The following TMEM39B variants were observed in gnomAD, a reference collection of about 807,000 sequenced individuals.
The protein encoded by TMEM39B is transmembrane protein 39B.
TMEM39B carries 23 observed loss-of-function variants against 52.2 expected under a neutral mutation model. The observed-to-expected ratio is 0.44, with a 90% CI of 0.32 to 0.62. The LOEUF (loss-of-function observed/expected upper bound fraction) is 0.62. TMEM39B is among the 20% of genes least tolerant of loss of function. The pLI is 0.06. For synonymous variants in TMEM39B, 285 were observed against 264.0 expected (o/e 1.08, Z -0.77); for missense variants, 547 against 642.0 (o/e 0.85, Z 1.60).
intron 5 of TMEM39B, among the ~76,000 whole-genome samples, chr1:32,091,037 G>A (rs1344083938): frequency 5.3e-5 from 8 of 151,938 alleles, no homozygotes; most frequent in Admixed American, 3.3e-4. Flanking sequence ...ATCTTCCCAC[G>A]TCGGCATCCC....
intron 1 of TMEM39B, chr1:32,073,377 C>CA: frequency 2.3e-6 from 1 of 444,408 alleles, no homozygotes; most frequent in Non-Finnish European, 3.6e-6. Context: ...AGATTCTGGG[C>CA]AGGGGGCGCT....
At chr1:32,100,587 G>A (rs751200341) in intron 8 of TMEM39B, 25 bp downstream of exon 8, 1 of 1,614,114 alleles carries the variant, frequency 6.2e-7, no homozygotes, top group South Asian at 1.1e-5. Flanking sequence ...CGGGGAAGGA[G>A]GGTTGGGGCC....
intron 5 of TMEM39B, among the ~76,000 whole-genome samples, chr1:32,078,426 T>TGAGCA (rs1639955493): frequency 6.6e-6 from 1 of 151,850 alleles, no homozygotes; most frequent in African/African-American, 2.4e-5. Context: ...GAGGCTGCAG[T>TGAGCA]GAGCCGAAAT....
At chr1:32,095,408 A>G (rs759903266) in intron 7 of TMEM39B, among the ~76,000 whole-genome samples, 1 of 152,088 alleles carries the variant, frequency 6.6e-6, no homozygotes, top group African/African-American at 2.4e-5. Context: ...CCCAGCGGAG[A>G]TAGAGGATTT....
chr1:32,072,045 T>A (rs934693318), upstream of TMEM39B: 1 of 152,208 alleles, frequency 6.6e-6, no homozygotes, highest in African/African-American at 2.4e-5. Context: ...CCATCTAACA[T>A]ACTACAGAAT....
intron 6 of TMEM39B, among the ~76,000 whole-genome samples, chr1:32,093,994 AT>A (rs896589095): frequency 7.5e-6 from 1 of 133,076 alleles, no homozygotes; most frequent in African/African-American, 2.9e-5. Flanking sequence ...AATTTTTTGT[AT>A]TTTTAGTAGA....
At chr1:32,097,629 G>A (rs1362312746) in intron 7 of TMEM39B, among the ~76,000 whole-genome samples, 4 of 151,266 alleles carry the variant, frequency 2.6e-5, no homozygotes, top group African/African-American at 9.7e-5. Flanking sequence ...TGTTGCACCC[G>A]GCCCCAACTT....
Position 32,072,951 on chromosome 1 carries a change from T to G in TMEM39B, c.-97T>G. 2 of 1,470,852 alleles carry G rather than the reference T, an allele frequency of 1.4e-6. No homozygotes were observed. The highest frequency in any genetic ancestry group is 2.8e-5 in the East Asian group (1 of 36,302). The allele number at this position is 1,470,852 out of a possible 1,614,324, so 91.1% of individuals were successfully genotyped here. On this transcript the variant is annotated 5_prime_UTR_variant, in exon 1 of 9. Transcript: ENST00000336294. ...GGAGCGCGCGGCTGATACCCGGGAC[T>G]GGGCTGCGGCGGTTAGTCCTCTCCC...
At chr1:32,096,235 C>T (rs1441916396) in intron 7 of TMEM39B, among the ~76,000 whole-genome samples, 4 of 152,076 alleles carry the variant, frequency 2.6e-5, no homozygotes, top group African/African-American at 9.7e-5. Context: ...TCCTTTAGCA[C>T]TTTGCTTCCT....
At chr1:32,083,902 T>A (rs1640224284) in intron 5 of TMEM39B, among the ~76,000 whole-genome samples, 1 of 152,104 alleles carries the variant, frequency 6.6e-6, no homozygotes, top group Admixed American at 6.6e-5. Flanking sequence ...CAGGCTACCA[T>A]GCCCAGCTAA....
At position 32,102,550 on chromosome 1, in the gene TMEM39B, G is replaced by C. The variant is rs1641057513; in HGVS notation, c.1356G>C (p.Leu452=). The stretch of plus-strand genomic sequence containing the variant: ...AAAAGTGGCACCAGACCATCTCGCT[G>C]GCCCTCATCCTCTTCAGCAACTACT... ...SSEKWHQTIS[L]ALILFSNYYA... The change falls in exon 9 of 9, where the codon CTG becomes CTC. Residue 452 remains leucine, a synonymous_variant. Transcript: ENST00000336294. 1.9e-6 allele frequency: 3 copies of C among 1,614,138 alleles called. No homozygotes were observed. The highest frequency in any genetic ancestry group is 2.5e-6 in the Non-Finnish European group (3 of 1,180,026).
chr1:32,097,197 G>T (rs970039331), intron 7 of TMEM39B, among the ~76,000 whole-genome samples: 14 of 151,906 alleles, frequency 9.2e-5, no homozygotes, highest in African/African-American at 3.4e-4. Flanking sequence ...AACATTTCCA[G>T]CCCTTCAGAA....
Position 32,075,093 on chromosome 1 carries a change from G to A in TMEM39B, c.131+16G>A, listed in dbSNP as rs759536282. 6.5e-5 allele frequency: 101 copies of A among 1,545,060 alleles called. No individual in the cohort carries two copies. In the South Asian group the frequency reaches 1.2e-3, roughly 18 times the overall value. ...CCCGCACCAGGTAAACCACCTCTCT[G>A]TCTCACCCCTCACTGTGGCCTCACA... On this transcript the variant is annotated intron_variant, in intron 2 of 8. Coordinates refer to ENST00000336294, the MANE Select transcript of TMEM39B (RefSeq NM_018056.4).
At chr1:32,094,430 G>A (rs965904188) in intron 6 of TMEM39B, among the ~76,000 whole-genome samples, 1 of 152,102 alleles carries the variant, frequency 6.6e-6, no homozygotes, top group African/African-American at 2.4e-5. Context: ...GGGCCTAGTA[G>A]TTGCTCTATC....
chr1:32,099,642 G>A (rs1258323893), intron 7 of TMEM39B, among the ~76,000 whole-genome samples: 2 of 152,096 alleles, frequency 1.3e-5, no homozygotes, highest in Admixed American at 6.6e-5. Flanking sequence ...CTGGAGGAAC[G>A]AGAAACAGCA....
chr1:32,100,351 A>C (rs1640971675), intron 7 of TMEM39B, 91 bp from the exon 8 acceptor site: 5 of 1,390,306 alleles, frequency 3.6e-6, no homozygotes, highest in Non-Finnish European at 4.8e-6. Context: ...AAATGGGAGT[A>C]GAGCCCTGGT....
intron 2 of TMEM39B, 138 bp downstream of exon 2, chr1:32,075,215 C>A: frequency 8.1e-7 from 1 of 1,238,478 alleles, no homozygotes; most frequent in Non-Finnish European, 1.1e-6. Flanking sequence ...CAGAAAAGAT[C>A]CAGAGGGAGC....
chr1:32,091,863 C>A lies in TMEM39B; in HGVS notation c.779C>A (p.Pro260His), dbSNP rs776071630. ...TRQLYGPDAMPTHACCLSPSL... is the reference protein window; with the variant it reads ...TRQLYGPDAMHTHACCLSPSL... The stretch of plus-strand genomic sequence containing the variant: ...CAGCTGTATGGCCCGGACGCCATGC[C>A]CACCCATGCCTGCTGCCTGTCACCC... The change falls in exon 6 of 9, where the codon CCC becomes CAC. Residue 260 changes from proline to histidine, a missense_variant. Transcript: ENST00000336294. The A allele has an allele frequency of 6.2e-7, 1 of 1,614,220 alleles. No individual in the cohort carries two copies. Among genetic ancestry groups the A allele is most frequent in the Non-Finnish European group, 8.5e-7 (1 of 1,180,034 alleles).
intron 5 of TMEM39B, among the ~76,000 whole-genome samples, chr1:32,085,842 A>G (rs2124460880): frequency 6.6e-6 from 1 of 151,988 alleles, no homozygotes; most frequent in African/African-American, 2.4e-5. Context: ...TTCCAAGTAT[A>G]GTTGGCTTGT....
Sources: allele counts gnomAD v4.1 joint callset (sites outside exome capture counted in the v4.1 genomes callset), GRCh38; gene constraint gnomAD v4.1.1; transcripts MANE v1.5; gene names NCBI Gene and HGNC (gene_info 2026-07-23, HGNC 2026-07-21).